Variants in RICTOR observed in about 807,000 individuals in gnomAD.
RICTOR encodes RPTOR independent companion of MTOR complex 2, also known as rapamycin-insensitive companion of mTOR.
A neutral mutation model predicts 214.9 loss-of-function variants in RICTOR; 49 were observed. The ratio of observed to expected loss-of-function variants is 0.23; its 90% CI spans 0.18 to 0.29. The LOEUF is 0.29. Ranked by LOEUF, RICTOR falls within the 10% of genes least tolerant of loss-of-function variation. RICTOR has a pLI of 1.00. For missense variants in RICTOR, 1,625 were observed against 2,047.0 expected (o/e 0.79, Z 3.98); for synonymous variants, 717 against 711.3 (o/e 1.01, Z -0.13).
intron 25 of RICTOR, among the ~76,000 whole-genome samples, chr5:38,957,010 A>G (rs929801834): frequency 3.9e-5 from 6 of 152,138 alleles, no homozygotes; most frequent in Non-Finnish European, 8.8e-5. Context: ...AAAATCTAAA[A>G]ATCATTTATA....
At chr5:38,977,400 A>G (rs189527979) in intron 9 of RICTOR, among the ~76,000 whole-genome samples, 216 of 152,270 alleles carry the variant, frequency 1.4e-3, no homozygotes, top group Non-Finnish European at 2.0e-3. Context: ...TCTCCACAAT[A>G]AGAGAATGTC....
intron 2 of RICTOR, among the ~76,000 whole-genome samples, chr5:39,041,955 A>AG (rs1757207010): frequency 6.6e-6 from 1 of 151,654 alleles, no homozygotes; most frequent in East Asian, 1.9e-4. Flanking sequence ...AAAAAAAAAA[A>AG]AAAAAAAATT....
intron 6 of RICTOR, among the ~76,000 whole-genome samples, chr5:38,992,351 T>C (rs1036759826): frequency 3.9e-4 from 59 of 152,286 alleles, no homozygotes; most frequent in Non-Finnish European, 6.5e-4. Flanking sequence ...AAGTTCTTTT[T>C]TAATACTTTC....
chr5:38,988,132 A>C (rs979763628), intron 7 of RICTOR, among the ~76,000 whole-genome samples: 1 of 152,148 alleles, frequency 6.6e-6, no homozygotes, highest in African/African-American at 2.4e-5. Context: ...GTATGTGGTC[A>C]ATTTTAAAGT....
At chr5:38,999,331 T>C (rs1753439424) in intron 5 of RICTOR, among the ~76,000 whole-genome samples, 1 of 151,554 alleles carries the variant, frequency 6.6e-6, no homozygotes, top group South Asian at 2.1e-4. Context: ...TAAAAAGATA[T>C]ATCCCAAAGA....
At chr5:38,958,594 AT>A in intron 23 of RICTOR, 72 bp downstream of exon 23, 1 of 1,500,870 alleles carries the variant, frequency 6.7e-7, no homozygotes. Flanking sequence ...TGCCTATTAT[AT>A]ACTTTTACAT....
chr5:38,989,576 A>G (rs1377245867), intron 7 of RICTOR, among the ~76,000 whole-genome samples: 1 of 152,146 alleles, frequency 6.6e-6, no homozygotes, highest in Non-Finnish European at 1.5e-5. Flanking sequence ...AACCTACAGA[A>G]TGGGAAAAAA....
At chr5:39,003,657 GT>G (rs767780235) in intron 3 of RICTOR, 35 bp from the exon 4 acceptor site, 1 of 1,377,162 alleles carries the variant, frequency 7.3e-7, no homozygotes, top group Non-Finnish European at 1.0e-6. Context: ...GCATTTATGT[GT>G]TGTATATTTT....
At chr5:39,010,392 G>C (rs1754414339) in intron 3 of RICTOR, among the ~76,000 whole-genome samples, 1 of 152,132 alleles carries the variant, frequency 6.6e-6, no homozygotes, top group African/African-American at 2.4e-5. Context: ...AGCACTGTGA[G>C]AACAGACTAA....
At chr5:39,008,269 G>A (rs1351036971) in intron 3 of RICTOR, among the ~76,000 whole-genome samples, 1 of 151,872 alleles carries the variant, frequency 6.6e-6, no homozygotes, top group Non-Finnish European at 1.5e-5. Context: ...TTTTATAAAT[G>A]TTCACAATTA....
chr5:39,047,441 C>T (rs559559235), intron 2 of RICTOR, among the ~76,000 whole-genome samples: 1 of 152,314 alleles, frequency 6.6e-6, no homozygotes, highest in South Asian at 2.1e-4. Context: ...CCGCTGCTCA[C>T]CTCCTGCTGT....
intron 7 of RICTOR, among the ~76,000 whole-genome samples, chr5:38,986,389 G>A (rs1412432602): frequency 6.6e-6 from 1 of 152,080 alleles, no homozygotes; most frequent in Non-Finnish European, 1.5e-5. Flanking sequence ...GTGTGAAAAT[G>A]AACTAATACA....
intron 2 of RICTOR, among the ~76,000 whole-genome samples, chr5:39,062,907 C>G (rs1180501801): frequency 1.3e-5 from 2 of 152,070 alleles, no homozygotes; most frequent in African/African-American, 4.8e-5. Flanking sequence ...ATGAAACATT[C>G]TGTGGTTTTC....
At chr5:39,074,027 C>T (rs1759530814) in intron 2 of RICTOR, 84 bp downstream of exon 2, 1 of 1,038,338 alleles carries the variant, frequency 9.6e-7, no homozygotes, top group Admixed American at 4.5e-5. Context: ...CGTGCGGGGC[C>T]CGCCCCTGCC....
At chr5:39,069,579 C>A (rs538232095) in intron 2 of RICTOR, among the ~76,000 whole-genome samples, 1 of 152,196 alleles carries the variant, frequency 6.6e-6, no homozygotes, top group Non-Finnish European at 1.5e-5. Flanking sequence ...GCAGCCTCTA[C>A]ATTTTAATAA....
At position 38,950,285 on chromosome 5, in the gene RICTOR, T is replaced by C. The variant is rs765993999; in HGVS notation, c.3563A>G (p.Asn1188Ser). The C allele has an allele frequency of 2.5e-6, 4 of 1,613,608 alleles. No individual in the cohort carries two copies. The South Asian group carries it at 4.4e-5, about 18-fold the overall frequency. ...TTCTCTGTGATTCTCTGTACCAAAA[T>C]TCTTGGTGAATTTTAAGTCATTTTC... ...IGENDLKFTK[N>S]FGTENHRENT... Residue 1188 changes from asparagine (N) to serine (S), a missense_variant, in exon 31 of 38, where the codon AAT becomes AGT. Coordinates refer to ENST00000357387, the MANE Select transcript of RICTOR (RefSeq NM_152756.5).
chr5:38,975,168 T>C (rs1358776452), intron 10 of RICTOR, among the ~76,000 whole-genome samples: 2 of 152,220 alleles, frequency 1.3e-5, no homozygotes, highest in East Asian at 3.8e-4. Context: ...ATTTTGTATC[T>C]ATGACACTAC....
chr5:39,026,927 G>A (rs1375520475), intron 2 of RICTOR, among the ~76,000 whole-genome samples: 4 of 152,012 alleles, frequency 2.6e-5, no homozygotes, highest in Admixed American at 2.6e-4. Context: ...AGAATCACTT[G>A]AACCCGGGAA....
At chr5:38,947,205 C>G in intron 32 of RICTOR, 59 bp downstream of exon 32, 1 of 1,239,808 alleles carries the variant, frequency 8.1e-7, no homozygotes, top group Non-Finnish European at 1.2e-6. Flanking sequence ...TAAGCAGTTA[C>G]AGCATATGAA....
Sources: gnomAD v4.1 joint callset for allele counts (sites outside exome capture counted in the v4.1 genomes callset) on GRCh38, gnomAD v4.1.1 for gene constraint, MANE v1.5 for transcripts, NCBI Gene and HGNC (gene_info 2026-07-23, HGNC 2026-07-21) for gene names.